The following RPTOR variants were observed in gnomAD, a reference collection of about 807,000 sequenced individuals.
The protein encoded by RPTOR is regulatory-associated protein of mTOR.
A neutral mutation model predicts 169.9 loss-of-function variants in RPTOR; 21 were observed. The ratio of observed to expected loss-of-function variants is 0.12; its 90% CI spans 0.09 to 0.18. The LOEUF (loss-of-function observed/expected upper bound fraction) is 0.18, where lower values mean the gene tolerates loss of function less well. RPTOR is among the 10% of genes least tolerant of loss of function. The pLI, the probability that RPTOR is intolerant of heterozygous loss-of-function variation, is 1.00. For missense variants in RPTOR, 1,133 were observed against 1,855.9 expected, an observed-to-expected ratio of 0.61 and a Z score of 7.16; for synonymous variants, 732 against 753.2, an observed-to-expected ratio of 0.97 and a Z score of 0.46.
At chr17:80,863,651 A>G (rs2067946230) in intron 13 of RPTOR, among the ~76,000 whole-genome samples, 1 of 152,262 alleles carries the variant, frequency 6.6e-6, no homozygotes, top group South Asian at 2.1e-4. Flanking sequence ...CACGGGGCTC[A>G]CGTCTGTAAT....
intron 2 of RPTOR, among the ~76,000 whole-genome samples, chr17:80,626,219 ATTG>A (rs1291676891): frequency 6.6e-6 from 1 of 151,916 alleles, no homozygotes; most frequent in African/African-American, 2.4e-5. Flanking sequence ...CACCCAGCTA[ATTG>A]TTGTATTTTT....
chr17:80,707,513 C>T lies in RPTOR; in HGVS notation c.349-328C>T, dbSNP rs1418702090. ...CTCCTGGGCTTAAGTGATCCTTCCACCTCAGCTGGGACTACAGGTGTGTGC... is the reference window on the plus strand; with the variant it reads ...CTCCTGGGCTTAAGTGATCCTTCCATCTCAGCTGGGACTACAGGTGTGTGC... On this transcript the variant is annotated intron_variant, in intron 3 of 33. Coordinates refer to ENST00000306801, the MANE Select transcript of RPTOR (RefSeq NM_020761.3). The surrounding 1 kb of genome is among the most constrained non-coding windows in gnomAD (Gnocchi z 5.0). Among the ~76,000 whole-genome samples the T allele has an allele frequency of 1.3e-5, 2 of 152,004 alleles. No individual in the cohort carries two copies. The highest frequency in any genetic ancestry group is 6.5e-5 in the Admixed American group (1 of 15,274).
intron 1 of RPTOR, among the ~76,000 whole-genome samples, chr17:80,603,293 G>A (rs887489389): frequency 2.0e-5 from 3 of 152,234 alleles, no homozygotes; most frequent in Admixed American, 6.5e-5. Flanking sequence ...AGCTCAGAAT[G>A]AGGAGGTCGT....
At chr17:80,955,703 A>G (rs2069239396) in intron 28 of RPTOR, among the ~76,000 whole-genome samples, 1 of 152,198 alleles carries the variant, frequency 6.6e-6, no homozygotes, top group Non-Finnish European at 1.5e-5. Flanking sequence ...AACACCACAC[A>G]TCGATAAGGA....
At position 80,880,087 on chromosome 17, in the gene RPTOR, C is replaced by T. The variant is rs374186753; in HGVS notation, c.1510-328C>T. Among the ~76,000 whole-genome samples, 9 of 152,124 alleles carry T rather than the reference C, an allele frequency of 5.9e-5. No homozygotes were observed. In the East Asian group the frequency reaches 1.7e-3, roughly 29 times the overall value. The stretch of plus-strand genomic sequence containing the variant: ...GATGGATGTGCTCCAGTGTGGAGGG[C>T]AGAGGGAGGGAGCGGGACCCCTGGA... On this transcript the variant is annotated intron_variant, in intron 13 of 33. Transcript: ENST00000306801.
intron 2 of RPTOR, among the ~76,000 whole-genome samples, chr17:80,631,215 T>C (rs943443138): frequency 1.3e-5 from 2 of 152,130 alleles, no homozygotes; most frequent in Non-Finnish European, 2.9e-5. Context: ...TACAGGAATG[T>C]GTGCCTGTTC....
At chr17:80,612,361 G>C (rs1371804456) in intron 1 of RPTOR, among the ~76,000 whole-genome samples, 1 of 152,084 alleles carries the variant, frequency 6.6e-6, no homozygotes, top group Non-Finnish European at 1.5e-5. Flanking sequence ...GAACTTTTGA[G>C]CTCAACAGAT....
At chr17:80,847,617 C>CT (rs1451502401) in intron 11 of RPTOR, among the ~76,000 whole-genome samples, 2 of 152,190 alleles carry the variant, frequency 1.3e-5, no homozygotes, top group Non-Finnish European at 2.9e-5. Context: ...AGGCCCCGCC[C>CT]TTTTTGGTTT....
chr17:80,870,478 C>T (rs764604820), intron 13 of RPTOR, among the ~76,000 whole-genome samples: 23 of 152,240 alleles, frequency 1.5e-4, no homozygotes, highest in South Asian at 2.1e-4. Flanking sequence ...AGCCTCTCCT[C>T]TTCCTGCTTC....
At chr17:80,554,588 C>T (rs2084383091) in intron 1 of RPTOR, among the ~76,000 whole-genome samples, 2 of 151,872 alleles carry the variant, frequency 1.3e-5, no homozygotes, top group African/African-American at 4.8e-5. Flanking sequence ...CTAAAAAATA[C>T]CAAAAATTAG....
chr17:80,568,016 C>T (rs1413410253), intron 1 of RPTOR, among the ~76,000 whole-genome samples: 1 of 151,702 alleles, frequency 6.6e-6, no homozygotes, highest in Non-Finnish European at 1.5e-5. Context: ...AAGCAATTTT[C>T]GTGCCTCAGC....
intron 20 of RPTOR, among the ~76,000 whole-genome samples, chr17:80,903,550 A>AT (rs890649085): frequency 6.6e-5 from 10 of 152,220 alleles, no homozygotes; most frequent in South Asian, 2.1e-4. Flanking sequence ...CCCTTGGTTT[A>AT]TTTTTTAATG....
At position 80,791,467 on chromosome 17, in the gene RPTOR, G is replaced by T. The variant is rs375780793; in HGVS notation, c.848G>T (p.Cys283Phe). The change falls in exon 7 of 34, where the codon TGT becomes TTT. Residue 283 changes from cysteine (C) to phenylalanine (F), a missense_variant. Transcript: ENST00000306801. ...CTCTGCAGGTTTTGCATGCAGAAAT[G>T]TGTCAGTCTGGTGCCTGGCGTCACA... is the stretch of plus-strand genomic sequence containing the variant. ...IALRWFCMQK[C>F]VSLVPGVTLD... The T allele has an allele frequency of 5.0e-6, 8 of 1,613,676 alleles. No individual in the cohort carries two copies. Among genetic ancestry groups the T allele is most frequent in the Non-Finnish European group, 6.8e-6 (8 of 1,179,976 alleles).
intron 2 of RPTOR, among the ~76,000 whole-genome samples, chr17:80,639,768 A>G (rs1475106412): frequency 6.6e-6 from 1 of 152,200 alleles, no homozygotes; most frequent in Non-Finnish European, 1.5e-5. Context: ...AGGGCTGCGG[A>G]TTGGGTGAAC....
chr17:80,760,146 GGA>G (rs1246992928), intron 6 of RPTOR, among the ~76,000 whole-genome samples: 1 of 152,064 alleles, frequency 6.6e-6, no homozygotes, highest in African/African-American at 2.4e-5. Flanking sequence ...CACTCTGATG[GGA>G]GTCGGCAGAC....
intron 3 of RPTOR, among the ~76,000 whole-genome samples, chr17:80,688,720 C>G (rs1194253958): frequency 6.6e-6 from 1 of 152,256 alleles, no homozygotes; most frequent in African/African-American, 2.4e-5. Flanking sequence ...CAGTGTTACT[C>G]TCTGCTCCAT....
At chr17:80,940,376 T>C (rs556393479) in intron 24 of RPTOR, 120 bp from the exon 25 acceptor site, 44 of 706,910 alleles carry the variant, frequency 6.2e-5, no homozygotes, top group South Asian at 2.0e-4. Context: ...CCCTTTCGTA[T>C]TGGGGACTGA....
intron 25 of RPTOR, among the ~76,000 whole-genome samples, chr17:80,942,219 A>T (rs894695870): frequency 1.3e-5 from 2 of 151,704 alleles, no homozygotes; most frequent in African/African-American, 4.9e-5. Flanking sequence ...GCTAGCTGGG[A>T]TGGCCAGCAC....
intron 24 of RPTOR, among the ~76,000 whole-genome samples, chr17:80,937,530 C>T (rs1225836933): frequency 6.6e-6 from 1 of 152,092 alleles, no homozygotes; most frequent in Non-Finnish European, 1.5e-5. Flanking sequence ...GCTTCAGAAT[C>T]GTAATTGGTT....
Sources: allele counts gnomAD v4.1 joint callset (sites outside exome capture counted in the v4.1 genomes callset), GRCh38; gene constraint gnomAD v4.1.1; non-coding constraint Gnocchi (gnomAD v3.1); transcripts MANE v1.5; gene names NCBI Gene and HGNC (gene_info 2026-07-23, HGNC 2026-07-21).